The following COL24A1 variants were observed in gnomAD, a reference collection of about 807,000 sequenced individuals.
COL24A1 encodes the protein collagen type XXIV alpha 1 chain, also known as collagen alpha-1(XXIV) chain.
Under a neutral mutation model 253.9 loss-of-function variants are expected in COL24A1, and 224 were observed. The observed-to-expected ratio is 0.88, with a 90% CI of 0.79 to 0.99. The LOEUF is 0.99. Ranked by LOEUF, COL24A1 falls within the 50% of genes least tolerant of loss-of-function variation. COL24A1 has a pLI of 0.00. For synonymous variants in COL24A1, 685 were observed against 673.7 expected (o/e 1.02, Z -0.26); for missense variants, 2,131 against 2,068.5 (o/e 1.03, Z -0.59).
chr1:85,795,757 T>C (rs1228955700), intron 47 of COL24A1, among the ~76,000 whole-genome samples: 1 of 152,132 alleles, frequency 6.6e-6, no homozygotes, highest in Non-Finnish European at 1.5e-5. Context: ...ATTAATTTAC[T>C]TTCTGTAGTA....
At chr1:85,778,381 C>G (rs313726) in intron 52 of COL24A1, among the ~76,000 whole-genome samples, 151,206 of 152,226 alleles carry the variant, frequency 0.99, 75,107 homozygotes, top group Middle Eastern at 1. Flanking sequence ...GGTAATACAG[C>G]CGTGAACTAC....
At chr1:85,935,800 C>G (rs186177017) in intron 24 of COL24A1, among the ~76,000 whole-genome samples, 1 of 147,244 alleles carries the variant, frequency 6.8e-6, no homozygotes, top group Non-Finnish European at 1.5e-5. Flanking sequence ...AGATAACATA[C>G]GTAGAATGAA....
At chr1:86,027,106 T>C (rs192851682) in intron 14 of COL24A1, among the ~76,000 whole-genome samples, 137 of 152,322 alleles carry the variant, frequency 9.0e-4, no homozygotes, top group African/African-American at 3.2e-3. Context: ...TTAAAAGCAT[T>C]CAGTTTTATG....
chr1:85,997,742 C>T (rs1016089084), intron 19 of COL24A1, among the ~76,000 whole-genome samples: 2 of 148,712 alleles, frequency 1.3e-5, no homozygotes, highest in Admixed American at 1.3e-4. Context: ...GATCGCGCCA[C>T]TGCACTCCAG....
intron 43 of COL24A1, among the ~76,000 whole-genome samples, chr1:85,829,209 C>T (rs2102070700): frequency 6.6e-6 from 1 of 151,618 alleles, no homozygotes; most frequent in South Asian, 2.1e-4. Context: ...ATATGAAATT[C>T]TGGGTTGAAA....
intron 7 of COL24A1, among the ~76,000 whole-genome samples, chr1:86,083,069 G>A (rs1215966687): frequency 2.0e-5 from 3 of 151,918 alleles, no homozygotes; most frequent in South Asian, 2.1e-4. Context: ...AGGCCGAGGC[G>A]GGCGAATCAT....
chr1:85,901,351 A>T (rs1684269950), intron 28 of COL24A1, among the ~76,000 whole-genome samples: 2 of 152,182 alleles, frequency 1.3e-5, no homozygotes. Flanking sequence ...CCACAATAAG[A>T]TATCATCATA....
intron 43 of COL24A1, among the ~76,000 whole-genome samples, chr1:85,824,837 AGTTATCAGTCCC>A (rs1424855961): frequency 1.3e-5 from 2 of 152,108 alleles, no homozygotes; most frequent in Non-Finnish European, 2.9e-5. Context: ...CTTAGGAAAG[AGTTATCAGTCCC>A]ATCTCCTGGG....
At chr1:85,960,941 T>G in intron 24 of COL24A1, 1 of 182,574 alleles carries the variant, frequency 5.5e-6, no homozygotes, top group Non-Finnish European at 1.1e-5. Context: ...TAGTGAAAAA[T>G]GTTAAGGTCA....
At chr1:86,038,111 A>G (rs1457675195) in intron 12 of COL24A1, among the ~76,000 whole-genome samples, 1 of 152,102 alleles carries the variant, frequency 6.6e-6, no homozygotes, top group Non-Finnish European at 1.5e-5. Flanking sequence ...TTTTGTCTAT[A>G]CTTATGTAAA....
At chr1:85,813,372 C>T (rs1672734731) in intron 47 of COL24A1, among the ~76,000 whole-genome samples, 1 of 150,212 alleles carries the variant, frequency 6.7e-6, no homozygotes, top group African/African-American at 2.4e-5. Context: ...TATGATTATC[C>T]CAACAACTGT....
At chr1:86,073,090 G>A (rs982777666) in intron 7 of COL24A1, among the ~76,000 whole-genome samples, 1 of 152,064 alleles carries the variant, frequency 6.6e-6, no homozygotes, top group African/African-American at 2.4e-5. Context: ...ACAACTCCTC[G>A]CCAGCAAGTG....
At chr1:86,110,428 G>A (rs1022810382) in intron 5 of COL24A1, among the ~76,000 whole-genome samples, 5 of 151,934 alleles carry the variant, frequency 3.3e-5, no homozygotes, top group Non-Finnish European at 5.9e-5. Context: ...TGCTTTTGGC[G>A]CCTTCTTGGC....
At chr1:85,872,913 G>A (rs905225105) in intron 35 of COL24A1, among the ~76,000 whole-genome samples, 6 of 152,210 alleles carry the variant, frequency 3.9e-5, no homozygotes, top group African/African-American at 1.2e-4. Flanking sequence ...CCTACAGAAT[G>A]GGAGAAAATT....
chr1:85,881,742 G>A (rs911041103), intron 32 of COL24A1, among the ~76,000 whole-genome samples: 1 of 152,134 alleles, frequency 6.6e-6, no homozygotes, highest in East Asian at 1.9e-4. Flanking sequence ...TTAGTAATTT[G>A]TATTTTCTCC....
intron 8 of COL24A1, among the ~76,000 whole-genome samples, chr1:86,062,860 T>G (rs1701191462): frequency 6.6e-6 from 1 of 152,096 alleles, no homozygotes; most frequent in Non-Finnish European, 1.5e-5. Context: ...CTGTCTAACT[T>G]AACATGAATG....
At chr1:85,824,527 T>G (rs1052410835) in intron 43 of COL24A1, among the ~76,000 whole-genome samples, 3 of 152,128 alleles carry the variant, frequency 2.0e-5, no homozygotes, top group African/African-American at 7.2e-5. Context: ...TCACAACTAT[T>G]TGGACGGTAG....
intron 24 of COL24A1, among the ~76,000 whole-genome samples, chr1:85,944,033 A>G (rs1688999032): frequency 6.6e-6 from 1 of 152,224 alleles, no homozygotes; most frequent in Non-Finnish European, 1.5e-5. Flanking sequence ...GTAAATGAAG[A>G]GATGTCCTTT....
chr1:86,120,253 C>T (rs1341907874), intron 3 of COL24A1, among the ~76,000 whole-genome samples: 1 of 152,108 alleles, frequency 6.6e-6, no homozygotes, highest in African/African-American at 2.4e-5. Flanking sequence ...ATGACTTAAA[C>T]ACAAAAGCAA....
Sources: gnomAD v4.1 joint callset for allele counts (sites outside exome capture counted in the v4.1 genomes callset) on GRCh38, gnomAD v4.1.1 for gene constraint, MANE v1.5 for transcripts, NCBI Gene and HGNC (gene_info 2026-07-23, HGNC 2026-07-21) for gene names.